MFN1: variants seen among roughly 807,000 people sequenced by gnomAD.
The protein encoded by MFN1 is mitofusin 1.
In MFN1, 65 loss-of-function variants were observed where a neutral mutation model predicts 92.4. That is an observed-to-expected ratio of 0.70 (90% CI 0.58 to 0.86). The LOEUF is 0.86. MFN1 is among the 40% of genes least tolerant of loss of function. MFN1 has a pLI of 0.00. For missense variants in MFN1, 781 were observed against 868.0 expected, an observed-to-expected ratio of 0.90 and a Z score of 1.26; for synonymous variants, 297 against 300.9, an observed-to-expected ratio of 0.99 and a Z score of 0.13.
chr3:179,375,596 T>G (rs1713209316), intron 10 of MFN1, among the ~76,000 whole-genome samples: 1 of 152,242 alleles, frequency 6.6e-6, no homozygotes. Context: ...TAAAATGTTT[T>G]GTGGCTTTAA....
chr3:179,348,663 A>G (rs1712015498), intron 1 of MFN1, 182 bp from the exon 2 acceptor site: 1 of 827,366 alleles, frequency 1.2e-6, no homozygotes, highest in Admixed American at 3.4e-5. Flanking sequence ...TTTTAGTGAA[A>G]TATCATTCAA....
Position 179,385,577 on chromosome 3 carries a change from A to C in MFN1, c.1671A>C (p.Arg557Ser). 6.3e-7 allele frequency: 1 copy of C among 1,596,786 alleles called. No individual in the cohort carries two copies. The highest frequency in any genetic ancestry group is 1.4e-5 in the African/African-American group (1 of 73,008). The change falls in exon 15 of 18, where the codon AGA becomes AGC. Residue 557 changes from arginine (R) to serine (S), a missense_variant. Physicochemically the swap from Arg to Ser is moderately radical, Grantham distance 110. Coordinates refer to ENST00000471841, the MANE Select transcript of MFN1 (RefSeq NM_033540.3). ...GLSEPIFQLP[R>S]SLASTPTAPT... Reference sequence around the variant, plus strand: ...CTCTTTTTTTTTGGCAGCTCCCTAGATCTTTAGCTTCTACTCCCACTGCTC... The same window carrying C: ...CTCTTTTTTTTTGGCAGCTCCCTAGCTCTTTAGCTTCTACTCCCACTGCTC...
chr3:179,359,127 C>T (rs923732084), intron 4 of MFN1, 125 bp downstream of exon 4: 32 of 976,192 alleles, frequency 3.3e-5, no homozygotes, highest in Admixed American at 3.7e-5. Flanking sequence ...TAATATTTTT[C>T]TTTTTTTTTT....
chr3:179,352,819 TCGG>T (rs1461832855), intron 3 of MFN1, among the ~76,000 whole-genome samples: 2 of 152,066 alleles, frequency 1.3e-5, no homozygotes, highest in African/African-American at 4.8e-5. Flanking sequence ...TGGCACAATC[TCGG>T]CTCGCTGCAA....
intron 4 of MFN1, 105 bp from the exon 5 acceptor site, chr3:179,362,253 C>T: frequency 1.8e-6 from 2 of 1,135,232 alleles, no homozygotes; most frequent in Non-Finnish European, 2.3e-6. Context: ...AGAGTTTTAC[C>T]TTTTATATAC....
rs1712161239 is a variant in MFN1 at position 179,351,899 on chromosome 3, G to C, written c.113-1G>C. On this transcript the variant is annotated splice_acceptor_variant, in intron 2 of 17. Coordinates refer to ENST00000471841, the MANE Select transcript of MFN1 (RefSeq NM_033540.3). LOFTEE classifies it high-confidence loss of function. Reference sequence around the variant, plus strand: ...TTTCTAATGCCATTTCAATTTTGCAGCAACATATAAGAATCCGGAACTTGA... The same window carrying C: ...TTTCTAATGCCATTTCAATTTTGCACCAACATATAAGAATCCGGAACTTGA... The C allele has an allele frequency of 6.3e-7, 1 of 1,586,338 alleles. No homozygotes were observed. Among genetic ancestry groups the C allele is most frequent in the Non-Finnish European group, 8.6e-7 (1 of 1,161,526 alleles).
chr3:179,366,334 C>T (rs1712792491), intron 7 of MFN1, among the ~76,000 whole-genome samples: 1 of 150,890 alleles, frequency 6.6e-6, no homozygotes, highest in Non-Finnish European at 1.5e-5. Context: ...TGCTTGGTGT[C>T]GATTTATACT....
chr3:179,348,786 C>T, intron 1 of MFN1, 59 bp from the exon 2 acceptor site: 2 of 1,570,956 alleles, frequency 1.3e-6, no homozygotes, highest in Non-Finnish European at 1.7e-6. Context: ...GGTGTGTCAT[C>T]AGTTTGCATG....
intron 7 of MFN1, 66 bp from the exon 8 acceptor site, chr3:179,367,373 C>A: frequency 1.4e-6 from 2 of 1,390,950 alleles, no homozygotes; most frequent in South Asian, 1.4e-5. Flanking sequence ...AAGTATTGGT[C>A]TATAGTCGTT....
At chr3:179,384,079 C>T (rs1052801865) in intron 14 of MFN1, among the ~76,000 whole-genome samples, 5 of 152,086 alleles carry the variant, frequency 3.3e-5, no homozygotes, top group Non-Finnish European at 7.4e-5. Context: ...TAGAATGTGG[C>T]CTTATATGAC....
intron 9 of MFN1, among the ~76,000 whole-genome samples, chr3:179,369,794 A>G (rs1712950751): frequency 6.6e-6 from 1 of 152,184 alleles, no homozygotes; most frequent in Non-Finnish European, 1.5e-5. Flanking sequence ...CTTAGGAACT[A>G]TTCTTTTTAA....
Position 179,358,959 on chromosome 3 carries a change from C to T in MFN1, c.368C>T (p.Ala123Val). ...LSVEGTDGDK[A>V]YLMTEGSDEK... ...GTTGAAGGAACTGATGGAGATAAAG[C>T]CTATCTTATGACAGAAGGATCAGAT... Residue 123 changes from alanine to valine, a missense_variant, in exon 4 of 18, where the codon GCC becomes GTC. Coordinates refer to ENST00000471841, the MANE Select transcript of MFN1 (RefSeq NM_033540.3). 6.2e-7 allele frequency: 1 copy of T among 1,613,804 alleles called. No homozygotes were observed. The highest frequency in any genetic ancestry group is 8.5e-7 in the Non-Finnish European group (1 of 1,179,930).
intron 7 of MFN1, 43 bp downstream of exon 7, chr3:179,365,268 A>T: frequency 9.3e-7 from 1 of 1,076,448 alleles, no homozygotes; most frequent in Non-Finnish European, 1.3e-6. Context: ...AAATACAGTC[A>T]CATACATTGT....
intron 7 of MFN1, 48 bp from the exon 8 acceptor site, chr3:179,367,391 A>G (rs1376767563): frequency 2.0e-6 from 3 of 1,536,010 alleles, no homozygotes; most frequent in East Asian, 4.6e-5. Context: ...GTTGGTTATT[A>G]TATTTGTTTA....
At chr3:179,379,594 T>C (rs1577013790) in intron 14 of MFN1, among the ~76,000 whole-genome samples, 1 of 152,176 alleles carries the variant, frequency 6.6e-6, no homozygotes, top group African/African-American at 2.4e-5. Flanking sequence ...CCTCAAGTGA[T>C]CCACCTGCCT....
At chr3:179,389,337 CCA>C in intron 16 of MFN1, among the ~76,000 whole-genome samples, 1 of 152,092 alleles carries the variant, frequency 6.6e-6, no homozygotes, top group East Asian at 1.9e-4. Flanking sequence ...TAATTGCCTC[CCA>C]CGCAGCAGTT....
At chr3:179,355,081 GC>G (rs1251315941) in intron 3 of MFN1, among the ~76,000 whole-genome samples, 3 of 152,102 alleles carry the variant, frequency 2.0e-5, no homozygotes, top group African/African-American at 7.2e-5. Flanking sequence ...ACAGGTGTGA[GC>G]CCCCGTGCCC....
At position 179,392,087 on chromosome 3, in the gene MFN1, T is replaced by G; in HGVS notation, c.*28T>G. 6.9e-7 allele frequency: 1 copy of G among 1,454,868 alleles called. No individual in the cohort carries two copies. Among genetic ancestry groups the G allele is most frequent in the East Asian group, 2.3e-5 (1 of 44,034 alleles). The allele number at this position is 1,454,868 out of a possible 1,614,324, so 90.1% of individuals were successfully genotyped here. On this transcript the variant is annotated 3_prime_UTR_variant, in exon 18 of 18. Coordinates refer to ENST00000471841, the MANE Select transcript of MFN1 (RefSeq NM_033540.3). ...ATAGAGATTGCTTTGGTGACCATGATAGGAGGAAACGAAACTTGTAAGATT... is the reference window on the plus strand; with the variant it reads ...ATAGAGATTGCTTTGGTGACCATGAGAGGAGGAAACGAAACTTGTAAGATT...
intron 12 of MFN1, 37 bp from the exon 13 acceptor site, chr3:179,378,304 G>A (rs898761228): frequency 3.5e-6 from 5 of 1,423,706 alleles, no homozygotes; most frequent in East Asian, 2.3e-5. Context: ...ATACTTTCTG[G>A]AGAAAAAATA....
Sources: gnomAD v4.1 joint callset for allele counts (sites outside exome capture counted in the v4.1 genomes callset) on GRCh38, gnomAD v4.1.1 for gene constraint, MANE v1.5 for transcripts, NCBI Gene and HGNC (gene_info 2026-07-23, HGNC 2026-07-21) for gene names.